Variants in SH3RF1 observed in about 807,000 individuals in gnomAD.
SH3RF1 encodes the protein E3 ubiquitin-protein ligase SH3RF1.
Under a neutral mutation model 74.0 loss-of-function variants are expected in SH3RF1, and 32 were observed. That is an observed-to-expected ratio of 0.43 (90% CI 0.33 to 0.58). The LOEUF is 0.58. Ranked by LOEUF, SH3RF1 falls within the 20% of genes least tolerant of loss-of-function variation. The pLI, the probability that SH3RF1 is intolerant of heterozygous loss-of-function variation, is 0.05. For missense variants in SH3RF1, 954 were observed against 1,130.9 expected, an observed-to-expected ratio of 0.84 and a Z score of 2.24; for synonymous variants, 396 against 439.6, an observed-to-expected ratio of 0.90 and a Z score of 1.24.
chr4:169,122,002 T>G, intron 7 of SH3RF1, 98 bp downstream of exon 7: 1 of 1,493,520 alleles, frequency 6.7e-7, no homozygotes, highest in Non-Finnish European at 9.1e-7. Flanking sequence ...GCCATAACGC[T>G]GTCATCAGCT....
At chr4:169,261,411 G>T (rs545672528) in intron 2 of SH3RF1, among the ~76,000 whole-genome samples, 1 of 152,304 alleles carries the variant, frequency 6.6e-6, no homozygotes, top group African/African-American at 2.4e-5. Flanking sequence ...AAAGCAACAT[G>T]AGGTCCCAGG....
At chr4:169,175,063 C>G (rs1353695119) in intron 2 of SH3RF1, among the ~76,000 whole-genome samples, 1 of 152,196 alleles carries the variant, frequency 6.6e-6, no homozygotes, top group Admixed American at 6.5e-5. Flanking sequence ...CACTGTTCAC[C>G]TCGTTGCTTG....
chr4:169,161,662 C>T (rs529548897), intron 2 of SH3RF1, among the ~76,000 whole-genome samples: 65 of 152,276 alleles, frequency 4.3e-4, no homozygotes, highest in African/African-American at 1.5e-3. Context: ...GATTCAGTGA[C>T]CTCCTAAAAA....
At chr4:169,192,933 A>G (rs1734752421) in intron 2 of SH3RF1, among the ~76,000 whole-genome samples, 1 of 141,704 alleles carries the variant, frequency 7.1e-6, no homozygotes, top group Non-Finnish European at 1.6e-5. Flanking sequence ...ATATATATAT[A>G]TGATGGAATA....
chr4:169,255,610 TACATACACACATACACAC>T (rs1295854890), intron 2 of SH3RF1, among the ~76,000 whole-genome samples: 2 of 61,226 alleles, frequency 3.3e-5, no homozygotes, highest in Non-Finnish European at 7.9e-5. Context: ...CATACACACA[TACATACACACATACACAC>T]ACACACACAC....
chr4:169,151,629 T>TGTAGG (rs1733978290), intron 4 of SH3RF1, among the ~76,000 whole-genome samples: 1 of 152,156 alleles, frequency 6.6e-6, no homozygotes, highest in Admixed American at 6.5e-5. Context: ...AAATGAGAAA[T>TGTAGG]GTAGCCCTTG....
intron 2 of SH3RF1, among the ~76,000 whole-genome samples, chr4:169,220,608 C>T (rs1730549683): frequency 6.6e-6 from 1 of 152,192 alleles, no homozygotes; most frequent in Admixed American, 6.5e-5. Context: ...CAATCCTGCC[C>T]CACTTCCAGC....
At chr4:169,246,064 T>C (rs1730990487) in intron 2 of SH3RF1, among the ~76,000 whole-genome samples, 1 of 152,230 alleles carries the variant, frequency 6.6e-6, no homozygotes, top group Admixed American at 6.5e-5. Flanking sequence ...GGTATAAAAC[T>C]ACTACAGAAG....
At chr4:169,260,257 G>C (rs777060010) in intron 2 of SH3RF1, among the ~76,000 whole-genome samples, 1 of 152,192 alleles carries the variant, frequency 6.6e-6, no homozygotes, top group South Asian at 2.1e-4. Flanking sequence ...TGAGACCAGA[G>C]ACTTAATTAT....
chr4:169,197,534 G>A (rs1005254297), intron 2 of SH3RF1, among the ~76,000 whole-genome samples: 205 of 147,088 alleles, frequency 1.4e-3, no homozygotes, highest in Non-Finnish European at 4.6e-4. Context: ...TGAGGCAGGA[G>A]AATCGCTTGA....
At chr4:169,136,721 C>G in intron 4 of SH3RF1, 101 bp from the exon 5 acceptor site, 2 of 1,299,082 alleles carry the variant, frequency 1.5e-6, no homozygotes, top group Non-Finnish European at 2.0e-6. Context: ...TTTAAAGTCA[C>G]TACTTTAAAG....
intron 10 of SH3RF1, among the ~76,000 whole-genome samples, chr4:169,108,868 A>G (rs1031384937): frequency 2.6e-5 from 4 of 152,210 alleles, no homozygotes; most frequent in Admixed American, 6.5e-5. Context: ...AGAGGCTGAG[A>G]AAATACTGGA....
chr4:169,264,738 T>C (rs1731327084), intron 2 of SH3RF1, among the ~76,000 whole-genome samples: 3 of 152,182 alleles, frequency 2.0e-5, no homozygotes, highest in South Asian at 4.2e-4. Flanking sequence ...ATCCTACCCA[T>C]CTGACCCTTC....
intron 2 of SH3RF1, among the ~76,000 whole-genome samples, chr4:169,187,767 T>A (rs1003310027): frequency 2.0e-5 from 3 of 152,054 alleles, no homozygotes; most frequent in Non-Finnish European, 2.9e-5. Context: ...ACAGGGAGGA[T>A]ATTGTTTGTG....
chr4:169,249,977 G>T (rs112549843), intron 2 of SH3RF1, among the ~76,000 whole-genome samples: 6,869 of 152,212 alleles, frequency 0.045, 239 homozygotes, highest in South Asian at 0.18. Context: ...ACGATTATCT[G>T]AAGTCTGATT....
chr4:169,175,208 C>T (rs1734399110), intron 2 of SH3RF1, among the ~76,000 whole-genome samples: 1 of 151,732 alleles, frequency 6.6e-6, no homozygotes, highest in Admixed American at 6.6e-5. Context: ...ACAATTTCTA[C>T]TGCTACCAGC....
chr4:169,144,772 TA>T (rs1476082411), intron 4 of SH3RF1, among the ~76,000 whole-genome samples: 1 of 152,024 alleles, frequency 6.6e-6, no homozygotes, highest in Non-Finnish European at 1.5e-5. Flanking sequence ...TTTTTTTTTT[TA>T]AGGAAAGCTT....
chr4:169,181,250 G>A (rs1234532906), intron 2 of SH3RF1, among the ~76,000 whole-genome samples: 1 of 148,466 alleles, frequency 6.7e-6, no homozygotes, highest in African/African-American at 2.5e-5. Context: ...ACTCACCTTG[G>A]GAAAGCCTTT....
rs545637055 is a variant in SH3RF1 at position 169,163,237 on chromosome 4, GAA to G, written c.394-6560_394-6559del. ...AGTCAAGAGTATATTCAAACACCCA[GAA>G]AAAAAAAAAAATGAACAACAGTTTT... On this transcript the variant is annotated intron_variant, in intron 2 of 11. Coordinates refer to ENST00000284637, the MANE Select transcript of SH3RF1 (RefSeq NM_020870.4). Among the ~76,000 whole-genome samples, 33 of 131,180 alleles carry G rather than the reference GAA, an allele frequency of 2.5e-4. No homozygotes were observed. In the South Asian group the frequency reaches 7.5e-3, roughly 30 times the overall value. The allele number at this position is 131,180 out of a possible 152,430, so 86.1% of individuals were successfully genotyped here.
Sources: gnomAD v4.1 joint callset for allele counts (sites outside exome capture counted in the v4.1 genomes callset) on GRCh38, gnomAD v4.1.1 for gene constraint, MANE v1.5 for transcripts, NCBI Gene and HGNC (gene_info 2026-07-23, HGNC 2026-07-21) for gene names.